Variants in BCAT1 observed in about 807,000 individuals in gnomAD.
The protein encoded by BCAT1 is branched-chain-amino-acid aminotransferase, cytosolic.
A neutral mutation model predicts 52.4 loss-of-function variants in BCAT1; 48 were observed. The observed-to-expected ratio is 0.92, with a 90% confidence interval of 0.73 to 1.16. The LOEUF (loss-of-function observed/expected upper bound fraction) is 1.16. Among genes scored for constraint, BCAT1 ranks in the 50% most tolerant of loss-of-function variants. BCAT1 has a pLI of 0.00. For synonymous variants in BCAT1, 167 were observed against 161.3 expected (o/e 1.04, Z -0.27); for missense variants, 451 against 457.1 (o/e 0.99, Z 0.12).
intron 5 of BCAT1, 140 bp downstream of exon 5, chr12:24,878,390 A>T: frequency 1.3e-6 from 1 of 798,334 alleles, no homozygotes; most frequent in Non-Finnish European, 1.8e-6. Flanking sequence ...TGCTACCTCT[A>T]ATCTTGACAA....
chr12:24,819,583 G>A (rs1472514973), intron 10 of BCAT1, among the ~76,000 whole-genome samples: 2 of 152,090 alleles, frequency 1.3e-5, no homozygotes, highest in Non-Finnish European at 2.9e-5. Context: ...TTACATATAA[G>A]GACACTAAGG....
At position 24,843,622 on chromosome 12, in the gene BCAT1, CA is replaced by C. The variant is rs1383519840; in HGVS notation, c.675-1399del. ...TGTCTCAAAAAAAATAAAAATTAAA[CA>C]TTAGAGCCACATGTTAGTGTATATC... On this transcript the variant is annotated intron_variant, in intron 6 of 10. Transcript: ENST00000261192. Among the ~76,000 whole-genome samples the C allele has an allele frequency of 8.5e-5, 13 of 152,174 alleles. 1 individual carries two copies. The East Asian group carries it at 2.3e-3, about 27-fold the overall frequency.
chr12:24,902,043 C>G, intron 1 of BCAT1, 158 bp from the exon 2 acceptor site: 1 of 1,547,034 alleles, frequency 6.5e-7, no homozygotes, highest in Admixed American at 1.9e-5. Flanking sequence ...AGGCCCGAAC[C>G]TCCAACAAGC....
At chr12:24,948,695 A>G (rs1943973613) in intron 1 of BCAT1, among the ~76,000 whole-genome samples, 1 of 152,224 alleles carries the variant, frequency 6.6e-6, no homozygotes, top group Non-Finnish European at 1.5e-5. Flanking sequence ...GCGAATGTGA[A>G]AAAGTCCGAG....
chr12:24,836,061 T>C (rs1295546967), intron 8 of BCAT1, among the ~76,000 whole-genome samples: 1 of 152,210 alleles, frequency 6.6e-6, no homozygotes, highest in Non-Finnish European at 1.5e-5. Context: ...AATGTTATAT[T>C]AGTAAACATT....
At chr12:24,881,733 C>G (rs1034091050) in intron 3 of BCAT1, among the ~76,000 whole-genome samples, 3 of 152,188 alleles carry the variant, frequency 2.0e-5, no homozygotes, top group Non-Finnish European at 2.9e-5. Context: ...AATCACACAG[C>G]ACAGGTTAAT....
chr12:24,910,255 T>TA (rs1297118223), intron 1 of BCAT1, among the ~76,000 whole-genome samples: 2 of 151,958 alleles, frequency 1.3e-5, no homozygotes, highest in Admixed American at 1.3e-4. Flanking sequence ...CGGGTGCCTG[T>TA]AATCCCAGCT....
chr12:24,874,989 C>A (rs1942287388), intron 5 of BCAT1, among the ~76,000 whole-genome samples: 4 of 120,350 alleles, frequency 3.3e-5, no homozygotes, highest in African/African-American at 3.3e-5. Context: ...AGAAGTCAGC[C>A]AAAAGCAAGA....
At chr12:24,885,459 T>G (rs769968945) in intron 3 of BCAT1, among the ~76,000 whole-genome samples, 2 of 152,230 alleles carry the variant, frequency 1.3e-5, no homozygotes, top group Non-Finnish European at 2.9e-5. Flanking sequence ...TTCCCCAAAC[T>G]GATTTATGTA....
chr12:24,874,706 A>T (rs1411397688), intron 5 of BCAT1, among the ~76,000 whole-genome samples: 1 of 152,222 alleles, frequency 6.6e-6, no homozygotes, highest in Non-Finnish European at 1.5e-5. Context: ...AGTTTGTTGA[A>T]TGCAGAGTCT....
At chr12:24,878,442 T>C (rs1942405497) in intron 5 of BCAT1, 88 bp downstream of exon 5, 1 of 1,293,984 alleles carries the variant, frequency 7.7e-7, no homozygotes, top group Non-Finnish European at 1.0e-6. Context: ...GGGGGGCTAC[T>C]GCAAACTATA....
rs115163810 is a variant in BCAT1, at chr12:24,891,080, T to C, written c.279+3195A>G. Among the ~76,000 whole-genome samples, 851 of 152,260 alleles carry C rather than the reference T, an allele frequency of 5.6e-3. 4 individuals are homozygous for C. Among genetic ancestry groups the C allele is most frequent in the African/African-American group, 0.02 (821 of 41,542 alleles). On this transcript the variant is annotated intron_variant, in intron 3 of 10. Coordinates refer to ENST00000261192, the MANE Select transcript of BCAT1 (RefSeq NM_005504.7). ...GAAAAACTCGGTTGGAGAATTTTTC[T>C]TGAAAGAGTAGTTTTGAGGCTAGGG...
At chr12:24,928,704 T>G (rs913591685) in intron 1 of BCAT1, among the ~76,000 whole-genome samples, 14 of 144,092 alleles carry the variant, frequency 9.7e-5, no homozygotes, top group African/African-American at 1.6e-4. Context: ...GTGTGAAATG[T>G]TTGTTGTTGT....
intron 1 of BCAT1, among the ~76,000 whole-genome samples, chr12:24,941,401 GTGTTTTTATAATCCTCTGTCTTT>G (rs1943846583): frequency 2.0e-5 from 3 of 152,192 alleles, no homozygotes; most frequent in African/African-American, 7.2e-5. Context: ...ACTGTTCTCT[GTGTTTTTATAATCCTCTGTCTTT>G]TGGAAGTCAA....
intron 1 of BCAT1, among the ~76,000 whole-genome samples, chr12:24,942,149 T>C (rs1943859324): frequency 6.6e-6 from 1 of 152,148 alleles, no homozygotes; most frequent in Non-Finnish European, 1.5e-5. Flanking sequence ...AATGAGAGCA[T>C]AAACCAGTAT....
chr12:24,912,341 C>T (rs1250215587), intron 1 of BCAT1, among the ~76,000 whole-genome samples: 3 of 151,968 alleles, frequency 2.0e-5, no homozygotes, highest in Non-Finnish European at 2.9e-5. Context: ...GGTGAAACCC[C>T]GTCTCTACCA....
chr12:24,891,280 T>C (rs1942830321), intron 3 of BCAT1, among the ~76,000 whole-genome samples: 4 of 152,096 alleles, frequency 2.6e-5, no homozygotes, highest in Non-Finnish European at 4.4e-5. Flanking sequence ...GCAGCCCAGA[T>C]GGCAATGAAA....
chr12:24,935,245 C>G (rs1448203620), intron 1 of BCAT1, among the ~76,000 whole-genome samples: 1 of 152,146 alleles, frequency 6.6e-6, no homozygotes, highest in Admixed American at 6.5e-5. Flanking sequence ...GAGAGGAATC[C>G]AGCACGCAAA....
At position 24,842,182 on chromosome 12, in the gene BCAT1, A is replaced by G; in HGVS notation, c.717T>C (p.Asp239=). ...GCCACAGGACCTGCTGACACCCATT[A>G]TCTACTGCTTCACATTGGGCAAAAA... ...SSLFAQCEAV[D]NGCQQVLWLY... Residue 239 remains aspartate (D), a synonymous_variant, in exon 7 of 11, where the codon GAT becomes GAC. Coordinates refer to ENST00000261192, the MANE Select transcript of BCAT1 (RefSeq NM_005504.7). The G allele has an allele frequency of 6.2e-7, 1 of 1,613,864 alleles. No individual in the cohort carries two copies. The highest frequency in any genetic ancestry group is 2.2e-5 in the East Asian group (1 of 44,868).
Sources: gnomAD v4.1 joint callset for allele counts (sites outside exome capture counted in the v4.1 genomes callset) on GRCh38, gnomAD v4.1.1 for gene constraint, MANE v1.5 for transcripts, NCBI Gene and HGNC (gene_info 2026-07-23, HGNC 2026-07-21) for gene names.